GRAMD1B: variants seen among roughly 807,000 people sequenced by gnomAD.
The protein encoded by GRAMD1B is GRAM domain containing 1B.
GRAMD1B carries 37 observed loss-of-function variants against 99.7 expected under a neutral mutation model. The ratio of observed to expected loss-of-function variants is 0.37; its 90% CI spans 0.29 to 0.49. The LOEUF is 0.49. GRAMD1B is among the 20% of genes least tolerant of loss of function. The pLI, the probability that GRAMD1B is intolerant of heterozygous loss-of-function variation, is 0.98. For synonymous variants in GRAMD1B, 427 were observed against 387.6 expected (o/e 1.10, Z -1.19); for missense variants, 888 against 1,009.2 (o/e 0.88, Z 1.63).
intron 1 of GRAMD1B, among the ~76,000 whole-genome samples, chr11:123,423,180 A>G (rs1948515059): frequency 6.6e-6 from 1 of 152,042 alleles, no homozygotes; most frequent in African/African-American, 2.4e-5. Context: ...ACTCCATTGT[A>G]AATGGCATAA....
chr11:123,456,546 A>T (rs1385274760), intron 1 of GRAMD1B, among the ~76,000 whole-genome samples: 1 of 152,094 alleles, frequency 6.6e-6, no homozygotes, highest in Non-Finnish European at 1.5e-5. Flanking sequence ...AGGCTGAGGC[A>T]GGCAGATCAC....
chr11:123,423,459 A>C (rs1948531270), intron 1 of GRAMD1B, among the ~76,000 whole-genome samples: 2 of 152,092 alleles, frequency 1.3e-5, no homozygotes, highest in South Asian at 4.1e-4. Flanking sequence ...ATGCTCAAAA[A>C]CTATTTGAAA....
intron 2 of GRAMD1B, chr11:123,560,683 C>T (rs1025421252): frequency 1.2e-5 from 5 of 426,326 alleles, no homozygotes; most frequent in African/African-American, 4.5e-5. Context: ...ACGCCTGGTG[C>T]GTGTGTGTGT....
chr11:123,590,660 A>G (rs1950556420), intron 4 of GRAMD1B, among the ~76,000 whole-genome samples: 1 of 152,172 alleles, frequency 6.6e-6, no homozygotes, highest in Non-Finnish European at 1.5e-5. Flanking sequence ...TCAGGCGAGC[A>G]GAGCAGGGGC....
chr11:123,368,016 G>A (rs1019035011), intron 1 of GRAMD1B, among the ~76,000 whole-genome samples: 3 of 152,024 alleles, frequency 2.0e-5, no homozygotes, highest in Non-Finnish European at 4.4e-5. Context: ...AGCACTTTGG[G>A]AGGCCTAGGC....
chr11:123,620,636 A>G lies in GRAMD1B; in HGVS notation c.2544+1412A>G, dbSNP rs1486633060. On this transcript the variant is annotated intron_variant, in intron 19 of 19. Transcript: ENST00000635736. ...AGGAGTTTAGAAGCCCTACCCTTTC[A>G]AAAAGTGTTGATGGAATTGAAGACA... 2.0e-5 allele frequency among the ~76,000 whole-genome samples: 3 copies of G among 152,170 alleles called. No homozygotes were observed. The South Asian group carries it at 6.2e-4, about 31-fold the overall frequency.
chr11:123,422,311 T>C (rs1224198698), intron 1 of GRAMD1B, among the ~76,000 whole-genome samples: 1 of 152,184 alleles, frequency 6.6e-6, no homozygotes, highest in Non-Finnish European at 1.5e-5. Flanking sequence ...AAGTGCAGAA[T>C]TGCATAGAGG....
At chr11:123,469,447 C>T (rs995706032) in intron 1 of GRAMD1B, among the ~76,000 whole-genome samples, 2 of 151,928 alleles carry the variant, frequency 1.3e-5, no homozygotes, top group Non-Finnish European at 2.9e-5. Context: ...GAATGGAAGG[C>T]GGATGGATTC....
At chr11:123,412,006 A>C (rs1200379261) in intron 1 of GRAMD1B, among the ~76,000 whole-genome samples, 1 of 152,230 alleles carries the variant, frequency 6.6e-6, no homozygotes, top group Non-Finnish European at 1.5e-5. Flanking sequence ...ACAACATAGA[A>C]AATTATGTTA....
intron 2 of GRAMD1B, among the ~76,000 whole-genome samples, chr11:123,486,861 C>G (rs116153452): frequency 6.6e-6 from 1 of 152,016 alleles, no homozygotes; most frequent in Admixed American, 6.6e-5. Flanking sequence ...CTTTGAGGCC[C>G]GGAGTCTGAG....
At chr11:123,606,536 T>A (rs1005637675) in intron 10 of GRAMD1B, 73 bp from the exon 11 acceptor site, 13 of 1,349,786 alleles carry the variant, frequency 9.6e-6, no homozygotes, top group Non-Finnish European at 1.3e-5. Context: ...CAAGGCTGCA[T>A]CCCTAATCTC....
chr11:123,462,214 G>A (rs1368888671), intron 1 of GRAMD1B, among the ~76,000 whole-genome samples: 2 of 151,830 alleles, frequency 1.3e-5, no homozygotes, highest in African/African-American at 4.8e-5. Context: ...TGATCTGCCC[G>A]CCTTGGCCTC....
Position 123,399,796 on chromosome 11 carries a change from T to C in GRAMD1B, c.-176+40997T>C, listed in dbSNP as rs113229023. 5.7e-3 allele frequency among the ~76,000 whole-genome samples: 869 copies of C among 152,238 alleles called. 9 individuals are homozygous for C. Among genetic ancestry groups the C allele is most frequent in the African/African-American group, 0.02 (826 of 41,540 alleles). Reference sequence around the variant, plus strand: ...CACCACGTCTGGCTAATTTTTGTATTTTTAGTAGAGACAGGGTTTTGCCAT... The same window carrying C: ...CACCACGTCTGGCTAATTTTTGTATCTTTAGTAGAGACAGGGTTTTGCCAT... On this transcript the variant is annotated intron_variant, in intron 1 of 20. Transcript: ENST00000638157.
chr11:123,611,584 CTTCTT>C (rs960676571), intron 14 of GRAMD1B, among the ~76,000 whole-genome samples: 5 of 152,156 alleles, frequency 3.3e-5, no homozygotes, highest in African/African-American at 1.2e-4. Context: ...TCTCCCTTCT[CTTCTT>C]GTCCTTTCCT....
Position 123,481,449 on chromosome 11 carries a change from G to A in GRAMD1B, c.452+556G>A, listed in dbSNP as rs114327651. Among the ~76,000 whole-genome samples, 1,170 of 148,188 alleles carry A rather than the reference G, an allele frequency of 7.9e-3. 17 individuals are homozygous for A. Among genetic ancestry groups the A allele is most frequent in the African/African-American group, 0.028 (1,115 of 40,522 alleles). On this transcript the variant is annotated intron_variant, in intron 2 of 19. Coordinates refer to ENST00000635736, the MANE Select transcript of GRAMD1B (RefSeq NM_001387025.1). ...AGCCTGGGCAACAGAGGGAGACTTC[G>A]TCTAAAAACAACAACAACAACAACA...
intron 2 of GRAMD1B, among the ~76,000 whole-genome samples, chr11:123,550,774 A>G (rs541839317): frequency 6.6e-6 from 1 of 152,192 alleles, no homozygotes; most frequent in Non-Finnish European, 1.5e-5. Context: ...AGTGTCTCCT[A>G]ATATCCTAGA....
At chr11:123,599,615 G>A (rs1951702838) in intron 7 of GRAMD1B, among the ~76,000 whole-genome samples, 1 of 152,186 alleles carries the variant, frequency 6.6e-6, no homozygotes, top group Non-Finnish European at 1.5e-5. Context: ...TGAGATTACA[G>A]GCACTCACCA....
intron 2 of GRAMD1B, among the ~76,000 whole-genome samples, chr11:123,509,244 C>T (rs1157534171): frequency 6.6e-6 from 1 of 152,144 alleles, no homozygotes. Context: ...AAAATGGGAG[C>T]TGAAGCTGTA....
At chr11:123,393,470 G>A (rs1943465) in intron 1 of GRAMD1B, among the ~76,000 whole-genome samples, 54,291 of 151,976 alleles carry the variant, frequency 0.36, 10,663 homozygotes, top group African/African-American at 0.53. Flanking sequence ...AACCGTGGCT[G>A]CAGTCATTTG....
Sources: allele counts gnomAD v4.1 joint callset (sites outside exome capture counted in the v4.1 genomes callset), GRCh38; gene constraint gnomAD v4.1.1; transcripts MANE v1.5; gene names NCBI Gene and HGNC (gene_info 2026-07-23, HGNC 2026-07-21).